DUOX2: variants seen among roughly 807,000 people sequenced by gnomAD.
The protein encoded by DUOX2 is NADH/NADPH thyroid oxidase p138-tox.
DUOX2 carries 185 observed loss-of-function variants against 183.3 expected under a neutral mutation model. The ratio of observed to expected loss-of-function variants is 1.01; its 90% CI spans 0.90 to 1.14. The LOEUF is 1.14. Among genes scored for constraint, DUOX2 ranks in the 50% most tolerant of loss-of-function variants. The pLI is 0.00. For synonymous variants in DUOX2, 788 were observed against 812.4 expected (o/e 0.97, Z 0.51); for missense variants, 1,999 against 2,022.9 (o/e 0.99, Z 0.23).
At position 45,100,161 on chromosome 15, in the gene DUOX2, C is replaced by T; in HGVS notation, c.3073G>A (p.Ala1025Thr). 6.2e-7 allele frequency: 1 copy of T among 1,614,170 alleles called. No homozygotes were observed. The highest frequency in any genetic ancestry group is 8.5e-7 in the Non-Finnish European group (1 of 1,180,028). The change falls in exon 24 of 34, where the codon GCC becomes ACC. Residue 1025 changes from alanine to threonine, a missense_variant. By Grantham distance (58) the Ala-to-Thr change is moderately conservative. Coordinates refer to ENST00000389039, the MANE Select transcript of DUOX2 (RefSeq NM_001363711.2). ...LQEKMQRGFL[A>T]QKLQQYKRFV... ...CGCTTGTACTGCTGCAGCTTTTGGG[C>T]TAGGAAGCCTCGCTGCATCTTCTCT... is the stretch of plus-strand genomic sequence containing the variant.
chr15:45,111,116 A>G lies in DUOX2; in HGVS notation c.877T>C (p.Tyr293His), dbSNP rs1894383193. The part of the protein sequence containing the change: ...QHARKRVIAT[Y>H]QNIAVYEWLP... Reference sequence around the variant, plus strand: ...GCGGGGCGCGGACGGCTGACCTGGTAGGTGGCGATGACCCTCTTGCGTGCG... The same window carrying G: ...GCGGGGCGCGGACGGCTGACCTGGTGGGTGGCGATGACCCTCTTGCGTGCG... Residue 293 changes from tyrosine to histidine, a missense_variant, in exon 7 of 34, where the codon TAC becomes CAC. Tyr to His is a moderately conservative substitution (Grantham distance 83, BLOSUM62 2). This residue lies in a region of DUOX2 where 1,628 missense variants were observed against 1,608.6 expected (regional missense o/e 1.01). Transcript: ENST00000389039. 3 of 1,214,636 alleles carry G rather than the reference A, an allele frequency of 2.5e-6. No individual in the cohort carries two copies. Among genetic ancestry groups the G allele is most frequent in the Non-Finnish European group, 3.4e-6 (3 of 883,294 alleles). The allele number at this position is 1,214,636 out of a possible 1,614,324, so 75.2% of individuals were successfully genotyped here.
chr15:45,100,906 G>T, intron 22 of DUOX2, 68 bp from the exon 23 acceptor site: 1 of 1,158,452 alleles, frequency 8.6e-7, no homozygotes, highest in Non-Finnish European at 1.3e-6. Flanking sequence ...CCTGGGCAGA[G>T]CATGGGGTAG....
chr15:45,094,379 C>T lies in DUOX2; in HGVS notation c.4525-107G>A, dbSNP rs916240062. On this transcript the variant is annotated intron_variant, in intron 33 of 33. Coordinates refer to ENST00000389039, the MANE Select transcript of DUOX2 (RefSeq NM_001363711.2). The stretch of plus-strand genomic sequence containing the variant: ...GCTGGAATGACTAAGGCTTCAAGCC[C>T]AGGCCTTGAGGAGGAGGCTTAACGT... 6.1e-5 allele frequency: 97 copies of T among 1,578,922 alleles called. No individual in the cohort carries two copies. In the African/African-American group the frequency reaches 1.3e-3, roughly 21 times the overall value.
At chr15:45,108,545 C>A (rs1469027467) in intron 12 of DUOX2, 1 of 623,806 alleles carries the variant, frequency 1.6e-6, no homozygotes, top group African/African-American at 1.8e-5. Flanking sequence ...GGCACCCAAC[C>A]CAGAAGCCAC....
Position 45,105,777 on chromosome 15 carries a change from A to C in DUOX2, c.2200T>G (p.Trp734Gly). 6.2e-7 allele frequency: 1 copy of C among 1,614,246 alleles called. No individual in the cohort carries two copies. Among genetic ancestry groups the C allele is most frequent in the Non-Finnish European group, 8.5e-7 (1 of 1,180,038 alleles). ...AGAGCCCAGCGCACGCAGAAGTCCC[A>C]TAGCTGCTGCACAAAGGCGCCCCGT... is the stretch of plus-strand genomic sequence containing the variant. ...EERGAFVQQL[W>G]DFCVRWALGL... The change falls in exon 18 of 34, where the codon TGG (tryptophan) becomes GGG (glycine). Residue 734 changes from tryptophan (W) to glycine (G), a missense_variant. This residue lies in a region of DUOX2 where 1,628 missense variants were observed against 1,608.6 expected (regional missense o/e 1.01). Coordinates refer to ENST00000389039, the MANE Select transcript of DUOX2 (RefSeq NM_001363711.2).
In DUOX2 at chr15:45,110,432, T is replaced by G; in HGVS notation, c.1036A>C (p.Met346Leu). 1 of 1,613,548 alleles carries G rather than the reference T, an allele frequency of 6.2e-7. No individual in the cohort carries two copies. Among genetic ancestry groups the G allele is most frequent in the South Asian group, 1.1e-5 (1 of 91,044 alleles). ...CTCTGCCAACCCCTCCCTCACCTCA[T>G]GTAGACACCAGGGGGCACCATGGTA... ...FSTMVPPGVY[M>L]RNASCHFRKV... The change falls in exon 9 of 34, where the codon ATG becomes CTG. Residue 346 changes from methionine to leucine, a missense_variant. Physicochemically the swap from Met to Leu is conservative, Grantham distance 15. Transcript: ENST00000389039.
intron 20 of DUOX2, among the ~76,000 whole-genome samples, chr15:45,103,489 G>T (rs1894131904): frequency 6.6e-6 from 1 of 152,166 alleles, no homozygotes; most frequent in African/African-American, 2.4e-5. Context: ...GGCTTAAGAT[G>T]CAGGAAGAAA....
intron 29 of DUOX2, among the ~76,000 whole-genome samples, chr15:45,096,545 C>T (rs1170055130): frequency 1.3e-5 from 2 of 152,182 alleles, no homozygotes; most frequent in African/African-American, 2.4e-5. Context: ...ATGTGTCCTA[C>T]ATAGAAGACA....
chr15:45,093,559 G>C lies in DUOX2; in HGVS notation c.*591C>G, dbSNP rs11070441. 1 of 155,162 alleles carries C rather than the reference G, an allele frequency of 6.4e-6. No homozygotes were observed. Among genetic ancestry groups the C allele is most frequent in the Non-Finnish European group, 1.4e-5 (1 of 69,914 alleles). The allele number at this position is 155,162 out of a possible 1,614,324, so 9.6% of individuals were successfully genotyped here. ...ACCTGGAGACAGAGTTGAGGCAGTC[G>C]GGCTGTCCAGGTTCTAAGCATCACA... On this transcript the variant is annotated 3_prime_UTR_variant, in exon 34 of 34. Coordinates refer to ENST00000389039, the MANE Select transcript of DUOX2 (RefSeq NM_001363711.2).
chr15:45,097,239 T>C lies in DUOX2; in HGVS notation c.3846A>G (p.Ser1282=), dbSNP rs1374254304. The change falls in exon 29 of 34, where the codon TCA becomes TCG. Residue 1282 remains serine, a splice_region_variant and synonymous_variant. Coordinates refer to ENST00000389039, the MANE Select transcript of DUOX2 (RefSeq NM_001363711.2). ...CCCAGGTCAGGCTGGGCCTGATACCTGAGGGCAGCAGCTCCGCCTTCACCA... is the reference window on the plus strand; with the variant it reads ...CCCAGGTCAGGCTGGGCCTGATACCCGAGGGCAGCAGCTCCGCCTTCACCA... ...ISVVKAELLP[S]GVTYLQFQRP... is the part of the protein sequence containing the mutation. 3.1e-6 allele frequency: 5 copies of C among 1,614,170 alleles called. No homozygotes were observed. Among genetic ancestry groups the C allele is most frequent in the Non-Finnish European group, 4.2e-6 (5 of 1,180,018 alleles).
Position 45,094,139 on chromosome 15 carries a change from G to A in DUOX2, c.*11C>T. The stretch of plus-strand genomic sequence containing the variant: ...GCAGGATACTGGAAGCAGCAGCCAG[G>A]GAGGACAGGCTCAGAAGTTCTCATA... On this transcript the variant is annotated 3_prime_UTR_variant, in exon 34 of 34. Coordinates refer to ENST00000389039, the MANE Select transcript of DUOX2 (RefSeq NM_001363711.2). 6.2e-7 allele frequency: 1 copy of A among 1,614,164 alleles called. No individual in the cohort carries two copies.
rs10851420 is a variant in DUOX2, at chr15:45,093,718, C to T, written c.*432G>A. ...GTCAATTAGAGATGTGGGGAGCTAT[C>T]GGAGACAAGCACTATTGTACCTTTT... On this transcript the variant is annotated 3_prime_UTR_variant, in exon 34 of 34. Transcript: ENST00000389039. 0.19 allele frequency: 36,087 copies of T among 193,802 alleles called. 7,738 individuals are homozygous for T. Among genetic ancestry groups the T allele is most frequent in the African/African-American group, 0.57 (24,840 of 43,562 alleles). 12.0% of individuals were successfully genotyped at this position (193,802 alleles called of 1,614,324 possible). A position where few individuals can be genotyped will look rare whatever the true frequency, so the allele number is the denominator to read the frequency against.
rs1239852850 is a variant in DUOX2 at position 45,110,525 on chromosome 15, C to T, written c.944-1G>A. The stretch of plus-strand genomic sequence containing the variant: ...CTGGGGTCTAGGAAAGGACGGTATC[C>T]TGCAGGAAGGAGACGGTGATGATGG... On this transcript the variant is annotated splice_acceptor_variant, in intron 8 of 33. Transcript: ENST00000389039. LOFTEE classifies it high-confidence loss of function. The T allele has an allele frequency of 6.2e-7, 1 of 1,614,126 alleles. No individual in the cohort carries two copies. The highest frequency in any genetic ancestry group is 1.7e-5 in the Admixed American group (1 of 60,020).
intron 2 of DUOX2, 107 bp downstream of exon 2, chr15:45,113,234 CG>C (rs1894499474): frequency 6.8e-7 from 1 of 1,462,138 alleles, no homozygotes; most frequent in Admixed American, 2.0e-5. Flanking sequence ...CTGAGCTGCA[CG>C]GCGAAATGAC....
At position 45,096,076 on chromosome 15, in the gene DUOX2, A is replaced by G. The variant is rs80041557; in HGVS notation, c.3848-16T>C. On this transcript the variant is annotated splice_polypyrimidine_tract_variant and intron_variant, in intron 29 of 33. Transcript: ENST00000389039. The stretch of plus-strand genomic sequence containing the variant: ...TAGGTCACTCCTGGAGGTCATAGAC[A>G]GGGAAAAGCACAGATGAGAAGGCCT... 5.3e-3 allele frequency: 8,564 copies of G among 1,608,194 alleles called. 28 individuals carry two copies. Among genetic ancestry groups the G allele is most frequent in the Non-Finnish European group, 6.3e-3 (7,417 of 1,174,596 alleles).
chr15:45,107,709 G>A (rs1894256678), intron 13 of DUOX2, among the ~76,000 whole-genome samples: 1 of 151,700 alleles, frequency 6.6e-6, no homozygotes, highest in African/African-American at 2.4e-5. Flanking sequence ...AAATTAGCCG[G>A]GCATGTTGGT....
chr15:45,111,986 A>C, intron 4 of DUOX2, 31 bp from the exon 5 acceptor site: 1 of 1,609,656 alleles, frequency 6.2e-7, no homozygotes, highest in Non-Finnish European at 8.5e-7. Context: ...TACGTGACAA[A>C]CCGTCCGTAT....
intron 28 of DUOX2, 30 bp downstream of exon 28, chr15:45,097,565 CCCATCCTGAGCTCCCTGCT>C (rs752234346): frequency 6.2e-7 from 1 of 1,614,046 alleles, no homozygotes; most frequent in East Asian, 2.2e-5. Context: ...ACCTTCCTGT[CCCATCCTGAGCTCCCTGCT>C]CCATGGGCTG....
chr15:45,093,885 G>T lies in DUOX2; in HGVS notation c.*265C>A. On this transcript the variant is annotated 3_prime_UTR_variant, in exon 34 of 34. Transcript: ENST00000389039. Reference sequence around the variant, plus strand: ...GTTGCGCACTTGCTAAGGGCAGGAAGTCTGGAGGGCTGCAGGAATGGTGCC... The same window carrying T: ...GTTGCGCACTTGCTAAGGGCAGGAATTCTGGAGGGCTGCAGGAATGGTGCC... 1 of 472,128 alleles carries T rather than the reference G, an allele frequency of 2.1e-6. No individual in the cohort carries two copies. The allele number at this position is 472,128 out of a possible 1,614,324, so 29.2% of individuals were successfully genotyped here. A position where few individuals can be genotyped will look rare whatever the true frequency, so the allele number is the denominator to read the frequency against.
Sources: gnomAD v4.1 joint callset for allele counts (sites outside exome capture counted in the v4.1 genomes callset) on GRCh38, gnomAD v4.1.1 for gene constraint, gnomAD v4.1.1 regional missense constraint, MANE v1.5 for transcripts, NCBI Gene and HGNC (gene_info 2026-07-23, HGNC 2026-07-21) for gene names.